CATSPERT: variants seen among roughly 807,000 people sequenced by gnomAD.
CATSPERT encodes the protein cation channel sperm-associated targeting subunit tau.
At chr2:201,597,671 C>T in the CATSPERT span, among the ~76,000 whole-genome samples, 1 of 152,160 alleles carries the variant, frequency 6.6e-6, no homozygotes, top group Non-Finnish European at 1.5e-5. Flanking sequence ...CCTCCTTCCA[C>T]TTTCCATTGT....
the CATSPERT span, among the ~76,000 whole-genome samples, chr2:201,520,570 C>T: frequency 1.3e-5 from 2 of 152,028 alleles, no homozygotes; most frequent in Non-Finnish European, 2.9e-5. Context: ...ATAACCACTG[C>T]GTGAAGAAAG....
At chr2:201,570,524 T>A in the CATSPERT span, among the ~76,000 whole-genome samples, 5 of 152,222 alleles carry the variant, frequency 3.3e-5, no homozygotes, top group Non-Finnish European at 7.3e-5. Context: ...ACATGTAACT[T>A]ATTTAATCAT....
At chr2:201,565,704 A>AGT in the CATSPERT span, 1 of 1,170,114 alleles carries the variant, frequency 8.5e-7, no homozygotes, top group African/African-American at 2.2e-5. Flanking sequence ...AGCTCTTTTG[A>AGT]ATTTTTTTTT....
At chr2:201,543,149 A>T in the CATSPERT span, among the ~76,000 whole-genome samples, 1 of 152,194 alleles carries the variant, frequency 6.6e-6, no homozygotes, top group Non-Finnish European at 1.5e-5. Context: ...CACTTCTCAA[A>T]GATCAGTTCA....
chr2:201,594,018 A>C, the CATSPERT span, among the ~76,000 whole-genome samples: 1 of 152,048 alleles, frequency 6.6e-6, no homozygotes, highest in Non-Finnish European at 1.5e-5. Context: ...TGATCCTGTC[A>C]TTATGATGTT....
the CATSPERT span, among the ~76,000 whole-genome samples, chr2:201,602,742 A>G: frequency 6.6e-6 from 1 of 152,192 alleles, no homozygotes; most frequent in African/African-American, 2.4e-5. Flanking sequence ...ACATTAACCA[A>G]TAAAATGTAA....
the CATSPERT span, among the ~76,000 whole-genome samples, chr2:201,516,114 C>T: frequency 6.6e-6 from 1 of 152,128 alleles, no homozygotes; most frequent in Non-Finnish European, 1.5e-5. Context: ...AGGCTACAAA[C>T]CTGTACATCA....
At chr2:201,533,979 A>C in the CATSPERT span, among the ~76,000 whole-genome samples, 1 of 152,118 alleles carries the variant, frequency 6.6e-6, no homozygotes, top group Non-Finnish European at 1.5e-5. Context: ...GCACAAGTAG[A>C]AGCCCCATGG....
the CATSPERT span, among the ~76,000 whole-genome samples, chr2:201,610,445 G>A: frequency 0.012 from 1,494 of 129,874 alleles, 27 homozygotes; most frequent in East Asian, 0.063. Context: ...GTGACAGTGC[G>A]AGACTCCGTC....
the CATSPERT span, among the ~76,000 whole-genome samples, chr2:201,528,901 A>T: frequency 1.8e-4 from 27 of 152,268 alleles, no homozygotes; most frequent in East Asian, 5.0e-3. Context: ...GTAACTCCTG[A>T]ACCTAAAATA....
the CATSPERT span, among the ~76,000 whole-genome samples, chr2:201,520,306 T>C: frequency 6.6e-6 from 1 of 152,206 alleles, no homozygotes; most frequent in Non-Finnish European, 1.5e-5. Flanking sequence ...AACTACATCA[T>C]AGACCAAAGG....
chr2:201,524,104 CCCAAGACATATAGTTATCCCCATCA>C, the CATSPERT span, among the ~76,000 whole-genome samples: 1 of 151,908 alleles, frequency 6.6e-6, no homozygotes, highest in East Asian at 1.9e-4. Flanking sequence ...AATCCCCATC[CCCAAGACATATAGTTATCCCCATCA>C]CCAAGACATA....
At chr2:201,506,860 C>A in the CATSPERT span, among the ~76,000 whole-genome samples, 2 of 152,104 alleles carry the variant, frequency 1.3e-5, no homozygotes, top group South Asian at 4.1e-4. Context: ...GCCCAATCAA[C>A]CTTATTCTTG....
the CATSPERT span, among the ~76,000 whole-genome samples, chr2:201,567,803 C>T: frequency 6.6e-6 from 1 of 152,204 alleles, no homozygotes; most frequent in Non-Finnish European, 1.5e-5. Flanking sequence ...CCTCTCAGAA[C>T]AATTTTTGAC....
the CATSPERT span, among the ~76,000 whole-genome samples, chr2:201,556,301 A>G: frequency 6.6e-6 from 1 of 151,868 alleles, no homozygotes; most frequent in Non-Finnish European, 1.5e-5. Flanking sequence ...CGAGGTCAGG[A>G]GATCGAGACC....
At chr2:201,614,501 A>G in the CATSPERT span, among the ~76,000 whole-genome samples, 112 of 152,290 alleles carry the variant, frequency 7.4e-4, no homozygotes, top group African/African-American at 2.5e-3. Flanking sequence ...TTACAGACAA[A>G]CAAATGCTGA....
At chr2:201,605,419 C>A in the CATSPERT span, among the ~76,000 whole-genome samples, 1 of 152,034 alleles carries the variant, frequency 6.6e-6, no homozygotes, top group Non-Finnish European at 1.5e-5. Context: ...GGTATCCCTG[C>A]ATACATGGCA....
At chr2:201,545,227 C>T in the CATSPERT span, among the ~76,000 whole-genome samples, 1 of 151,744 alleles carries the variant, frequency 6.6e-6, no homozygotes, top group African/African-American at 2.4e-5. Flanking sequence ...TTAGTAGAGA[C>T]AGGGTTCCAC....
the CATSPERT span, among the ~76,000 whole-genome samples, chr2:201,570,429 G>A: frequency 6.6e-6 from 1 of 152,020 alleles, no homozygotes; most frequent in East Asian, 1.9e-4. Flanking sequence ...TGATGATGAT[G>A]GTAATGAAAA....
Sources: allele counts gnomAD v4.1 joint callset (sites outside exome capture counted in the v4.1 genomes callset), GRCh38; gene constraint gnomAD v4.1.1; transcripts MANE v1.5; gene names NCBI Gene and HGNC (gene_info 2026-07-23, HGNC 2026-07-21).